Variants in FERMT2 observed in about 807,000 individuals in gnomAD.
FERMT2 encodes fermitin family homolog 2.
FERMT2 carries 15 observed loss-of-function variants against 82.7 expected under a neutral mutation model. The observed-to-expected ratio is 0.18, with a 90% confidence interval of 0.12 to 0.28. The LOEUF is 0.28. Among genes scored for constraint, FERMT2 ranks in the 10% least tolerant of loss-of-function variants. FERMT2 has a pLI of 1.00. For synonymous variants in FERMT2, 274 were observed against 271.5 expected (o/e 1.01, Z -0.09); for missense variants, 645 against 809.4 (o/e 0.80, Z 2.46).
chr14:52,861,073 A>AAGAATC, intron 12 of FERMT2: 1 of 1,488,454 alleles, frequency 6.7e-7, no homozygotes, highest in Non-Finnish European at 8.9e-7. Flanking sequence ...AGGAAGCAGA[A>AAGAATC]AGAAAAAAAA....
intron 2 of FERMT2, among the ~76,000 whole-genome samples, chr14:52,942,428 G>C (rs113088904): frequency 4.7e-5 from 7 of 149,814 alleles, no homozygotes; most frequent in African/African-American, 1.7e-4. Context: ...TCAGCCTCCC[G>C]AGTAGCTGCA....
At position 52,893,295 on chromosome 14, in the gene FERMT2, G is replaced by A. The variant is rs1317109996; in HGVS notation, c.524C>T (p.Ser175Leu). The change falls in exon 4 of 15, where the codon TCA becomes TTA. Residue 175 changes from serine to leucine, a missense_variant and splice_region_variant. Physicochemically the swap from Ser to Leu is moderately radical, Grantham distance 145. Transcript: ENST00000341590. ...CCATTGCTTGGTAAAAGTCTTACCT[G>A]ATCCAGGAGTGATAAGAGGCCCCTC... is the stretch of plus-strand genomic sequence containing the variant. ...ELEGPLITPG[S>L]GSIYSSPGLY... 5 of 1,597,304 alleles carry A rather than the reference G, an allele frequency of 3.1e-6. No individual in the cohort carries two copies. Among genetic ancestry groups the A allele is most frequent in the Non-Finnish European group, 4.3e-6 (5 of 1,175,544 alleles).
chr14:52,891,198 G>A (rs1886918453), intron 4 of FERMT2, among the ~76,000 whole-genome samples: 1 of 152,030 alleles, frequency 6.6e-6, no homozygotes, highest in South Asian at 2.1e-4. Context: ...ATTTTTGCAA[G>A]GATGTTCTTT....
chr14:52,889,414 G>A (rs1206145177), intron 4 of FERMT2, among the ~76,000 whole-genome samples: 1 of 152,160 alleles, frequency 6.6e-6, no homozygotes, highest in East Asian at 1.9e-4. Context: ...GCTGCAGTCT[G>A]GGTGAAAAGG....
At chr14:52,884,760 G>T (rs989387472) in intron 4 of FERMT2, among the ~76,000 whole-genome samples, 6 of 151,348 alleles carry the variant, frequency 4.0e-5, no homozygotes, top group African/African-American at 1.5e-4. Flanking sequence ...CAGCACTTTG[G>T]GAGGCCGAGG....
At chr14:52,875,715 A>C (rs1293456714) in intron 7 of FERMT2, among the ~76,000 whole-genome samples, 1 of 152,166 alleles carries the variant, frequency 6.6e-6, no homozygotes, top group Admixed American at 6.5e-5. Context: ...GTTATCAAGA[A>C]ATATTGAATG....
Position 52,858,393 on chromosome 14 carries a change from G to C in FERMT2, c.2027C>G (p.Thr676Ser). ...TATTCCTATTCACACCCAACCACTG[G>C]TAAGTTTGTAGAACATCTCTTCATC... Reference protein sequence around the residue: ...SLDEEMFYKLTSGWV With the variant: ...SLDEEMFYKLSSGWV Residue 676 changes from threonine to serine, a missense_variant, in exon 15 of 15, where the codon ACC becomes AGC. Thr to Ser is a moderately conservative substitution (Grantham distance 58). Coordinates refer to ENST00000341590, the MANE Select transcript of FERMT2 (RefSeq NM_006832.3). 2 of 1,613,962 alleles carry C rather than the reference G, an allele frequency of 1.2e-6. No individual in the cohort carries two copies. Among genetic ancestry groups the C allele is most frequent in the Non-Finnish European group, 8.5e-7 (1 of 1,179,844 alleles).
intron 2 of FERMT2, among the ~76,000 whole-genome samples, chr14:52,928,971 A>G (rs2139668168): frequency 6.6e-6 from 1 of 152,192 alleles, no homozygotes; most frequent in Non-Finnish European, 1.5e-5. Context: ...CAGGTGTCTC[A>G]TCCATTCTCA....
chr14:52,919,511 A>G (rs1056999785), intron 2 of FERMT2, among the ~76,000 whole-genome samples, 155 bp from the exon 3 acceptor site: 1 of 152,238 alleles, frequency 6.6e-6, no homozygotes, highest in Non-Finnish European at 1.5e-5. Flanking sequence ...TTAACAGCTG[A>G]GAAAACACGC....
chr14:52,920,686 C>A (rs1332069347), intron 2 of FERMT2, among the ~76,000 whole-genome samples: 1 of 152,166 alleles, frequency 6.6e-6, no homozygotes. Context: ...GGCACAGTGG[C>A]TCACGCCTAT....
In FERMT2 at chr14:52,947,321, C is replaced by T. The variant is rs541737726; in HGVS notation, c.157+3091G>A. On this transcript the variant is annotated intron_variant, in intron 2 of 14. Transcript: ENST00000341590. The stretch of plus-strand genomic sequence containing the variant: ...GGTGAAACCCCGTCTCTACTAAAAA[C>T]ACAAATAATTAGCCAGGCATGGTGG... Among the ~76,000 whole-genome samples the T allele has an allele frequency of 1.3e-4, 20 of 152,112 alleles. No individual in the cohort carries two copies. The South Asian group carries it at 2.1e-3, about 16-fold the overall frequency.
chr14:52,918,536 A>C (rs181385786), intron 3 of FERMT2, among the ~76,000 whole-genome samples: 3 of 152,366 alleles, frequency 2.0e-5, no homozygotes, highest in African/African-American at 7.2e-5. Flanking sequence ...CAAATAGGAA[A>C]AAATACAGCA....
chr14:52,942,262 C>G (rs1171875781), intron 2 of FERMT2, among the ~76,000 whole-genome samples: 1 of 151,290 alleles, frequency 6.6e-6, no homozygotes, highest in Non-Finnish European at 1.5e-5. Context: ...TGTATTATCT[C>G]ATTTAATTCT....
At chr14:52,932,007 C>T (rs546248576) in intron 2 of FERMT2, among the ~76,000 whole-genome samples, 5 of 152,136 alleles carry the variant, frequency 3.3e-5, no homozygotes, top group African/African-American at 9.6e-5. Context: ...CCAGCCTAGG[C>T]GACAGAGCGA....
chr14:52,886,527 C>T (rs994906914), intron 4 of FERMT2, among the ~76,000 whole-genome samples: 1 of 152,068 alleles, frequency 6.6e-6, no homozygotes, highest in Non-Finnish European at 1.5e-5. Context: ...AATTAGATAC[C>T]ACCTAGGTAG....
At chr14:52,883,196 G>A (rs966299768) in intron 4 of FERMT2, among the ~76,000 whole-genome samples, 1 of 152,072 alleles carries the variant, frequency 6.6e-6, no homozygotes, top group Non-Finnish European at 1.5e-5. Context: ...TCTAAAATCC[G>A]AACACTGTTA....
intron 2 of FERMT2, among the ~76,000 whole-genome samples, chr14:52,944,944 G>A (rs1890260606): frequency 1.3e-5 from 2 of 151,828 alleles, no homozygotes; most frequent in African/African-American, 2.4e-5. Flanking sequence ...CTGTTGCCCA[G>A]GAATGGAGTG....
Position 52,893,363 on chromosome 14 carries a change from CT to C in FERMT2, c.455del (p.Lys152ArgfsTer4), listed in dbSNP as rs766229731. 6.2e-7 allele frequency: 1 copy of C among 1,611,904 alleles called. No individual in the cohort carries two copies. The highest frequency in any genetic ancestry group is 8.5e-7 in the Non-Finnish European group (1 of 1,178,766). ...CTTCAGACTGGTCATCTAGCTTCTTCTTTTTTTTCTTTGTTGGATCTCTGGG... is the reference window on the plus strand; with the variant it reads ...CTTCAGACTGGTCATCTAGCTTCTTCTTTTTTTCTTTGTTGGATCTCTGGG... The part of the protein sequence containing the change: ...KKPRDPTKKK[K>X]KKLDDQSEDE... On this transcript the variant is annotated frameshift_variant, in exon 4 of 15. Coordinates refer to ENST00000341590, the MANE Select transcript of FERMT2 (RefSeq NM_006832.3). LOFTEE classifies it high-confidence loss of function.
In FERMT2 at chr14:52,888,985, G is replaced by T. The variant is rs138654045; in HGVS notation, c.526+4308C>A. ...TGTGTGTACTCATGAGGGACAGAAG[G>T]GAGAAGGAGACGGGTGTGTGCACAG... On this transcript the variant is annotated intron_variant, in intron 4 of 14. Transcript: ENST00000341590. Among the ~76,000 whole-genome samples, 300 of 152,236 alleles carry T rather than the reference G, an allele frequency of 2.0e-3. 3 individuals are homozygous for T. Among genetic ancestry groups the T allele is most frequent in the African/African-American group, 6.2e-3 (257 of 41,540 alleles).
Sources: allele counts gnomAD v4.1 joint callset (sites outside exome capture counted in the v4.1 genomes callset), GRCh38; gene constraint gnomAD v4.1.1; transcripts MANE v1.5; gene names NCBI Gene and HGNC (gene_info 2026-07-23, HGNC 2026-07-21).